ADAM28: variants seen among roughly 807,000 people sequenced by gnomAD.
ADAM28 encodes the protein ADAM metallopeptidase domain 28, also known as disintegrin and metalloproteinase domain-containing protein 28.
In ADAM28, 105 loss-of-function variants were observed where a neutral mutation model predicts 101.2. The observed-to-expected ratio is 1.04, with a 90% CI of 0.89 to 1.22. ADAM28 has a LOEUF of 1.22. Ranked by LOEUF, ADAM28 falls within the 50% of genes most tolerant of loss-of-function variation. The pLI, the probability that ADAM28 is intolerant of heterozygous loss-of-function variation, is 0.00. For synonymous variants in ADAM28, 322 were observed against 310.6 expected, an observed-to-expected ratio of 1.04 and a Z score of -0.39; for missense variants, 1,028 against 945.4, an observed-to-expected ratio of 1.09 and a Z score of -1.15.
chr8:24,328,065 TA>T, intron 10 of ADAM28, among the ~76,000 whole-genome samples: 1 of 152,140 alleles, frequency 6.6e-6, no homozygotes, highest in South Asian at 2.1e-4. Context: ...AAATAGAAGT[TA>T]AAAAAGTTTT....
At chr8:24,316,661 C>T (rs927354625) in intron 6 of ADAM28, among the ~76,000 whole-genome samples, 2 of 152,042 alleles carry the variant, frequency 1.3e-5, no homozygotes, top group African/African-American at 4.8e-5. Context: ...AATAGCCATT[C>T]TTCTGGTACC....
intron 12 of ADAM28, 119 bp downstream of exon 12, chr8:24,331,446 G>A (rs543306987): frequency 1.9e-5 from 19 of 1,002,266 alleles, no homozygotes; most frequent in East Asian, 1.5e-4. Context: ...TTTTGGGTAC[G>A]CCCATTTGTA....
At chr8:24,325,578 A>G (rs1482012276) in intron 9 of ADAM28, among the ~76,000 whole-genome samples, 1 of 151,960 alleles carries the variant, frequency 6.6e-6, no homozygotes, top group Non-Finnish European at 1.5e-5. Flanking sequence ...TATAATTTTA[A>G]AAGAGAACAG....
intron 20 of ADAM28, 35 bp downstream of exon 20, chr8:24,351,345 C>T (rs745626820): frequency 5.7e-6 from 9 of 1,588,384 alleles, no homozygotes; most frequent in Non-Finnish European, 7.8e-6. Context: ...ATTACCATGG[C>T]CCCACTTTGC....
At chr8:24,349,756 T>G (rs1014174652) in intron 18 of ADAM28, 108 bp from the exon 19 acceptor site, 2 of 754,464 alleles carry the variant, frequency 2.7e-6, no homozygotes, top group Non-Finnish European at 4.3e-6. Flanking sequence ...TTATGTTCAT[T>G]GGAGAAAAGG....
chr8:24,352,188 ATTC>A (rs1816239037), intron 21 of ADAM28, 136 bp downstream of exon 21: 3 of 803,244 alleles, frequency 3.7e-6, no homozygotes, highest in Non-Finnish European at 5.8e-6. Context: ...TAAAATACAA[ATTC>A]TTCTGCAAAA....
Position 24,343,536 on chromosome 8 carries a change from G to A in ADAM28, c.1942G>A (p.Glu648Lys). Residue 648 changes from glutamate (E) to lysine (K), a missense_variant, in exon 18 of 23, where the codon GAG becomes AAG. Transcript: ENST00000265769. Reference sequence around the variant, plus strand: ...TGACCATGAGCTCCAGTGTCAATGTGAGGAAGGATGGATCCCTCCCGACTG... The same window carrying A: ...TGACCATGAGCTCCAGTGTCAATGTAAGGAAGGATGGATCCCTCCCGACTG... ...VCDHELQCQCEEGWIPPDCDD... is the reference protein window; with the variant it reads ...VCDHELQCQCKEGWIPPDCDD... 2 of 1,613,772 alleles carry A rather than the reference G, an allele frequency of 1.2e-6. No homozygotes were observed. Among genetic ancestry groups the A allele is most frequent in the Non-Finnish European group, 1.7e-6 (2 of 1,179,790 alleles).
chr8:24,318,442 G>T (rs1443146766), intron 6 of ADAM28, among the ~76,000 whole-genome samples: 2 of 151,756 alleles, frequency 1.3e-5, no homozygotes. Context: ...ATCTTACCCT[G>T]CCCTGTGCCT....
intron 12 of ADAM28, among the ~76,000 whole-genome samples, chr8:24,331,872 CT>C (rs1481089430): frequency 6.6e-6 from 1 of 152,090 alleles, no homozygotes; most frequent in Non-Finnish European, 1.5e-5. Context: ...CACAGGGCAG[CT>C]GGGATTTTGA....
intron 9 of ADAM28, among the ~76,000 whole-genome samples, chr8:24,325,887 A>AAAAAAACAAAC (rs1812519617): frequency 7.4e-6 from 1 of 135,916 alleles, no homozygotes; most frequent in Non-Finnish European, 1.6e-5. Context: ...AAAAAAAAAA[A>AAAAAAACAAAC]AAAAAAAAAA....
intron 18 of ADAM28, among the ~76,000 whole-genome samples, chr8:24,344,398 C>T (rs1018299518): frequency 1.3e-5 from 2 of 152,090 alleles, no homozygotes; most frequent in Non-Finnish European, 1.5e-5. Flanking sequence ...TTCCTGCATC[C>T]TCTGTTTGCA....
intron 9 of ADAM28, among the ~76,000 whole-genome samples, chr8:24,324,476 T>G (rs1041107053): frequency 1.5e-4 from 23 of 152,012 alleles, no homozygotes; most frequent in African/African-American, 5.1e-4. Flanking sequence ...CCTCAAAACA[T>G]TCAAGAAAAT....
At chr8:24,331,845 T>G (rs1813407087) in intron 12 of ADAM28, among the ~76,000 whole-genome samples, 1 of 152,158 alleles carries the variant, frequency 6.6e-6, no homozygotes. Context: ...CATCAGAAGT[T>G]CTGTCCTGAC....
chr8:24,308,366 C>T (rs906377532), intron 2 of ADAM28, among the ~76,000 whole-genome samples: 3 of 115,232 alleles, frequency 2.6e-5, no homozygotes, highest in African/African-American at 9.7e-5. Flanking sequence ...ATCTTTCCTT[C>T]CATCCATAAT....
In ADAM28 at chr8:24,313,614, A is replaced by G. The variant is rs984225556; in HGVS notation, c.576+34A>G. ...AACTTTATTTATTTGAAATGCTCTC[A>G]TGTATTCTGCCCTGGTTTCCAGAAT... On this transcript the variant is annotated intron_variant, in intron 6 of 22. Coordinates refer to ENST00000265769, the MANE Select transcript of ADAM28 (RefSeq NM_014265.6). 6 of 1,598,122 alleles carry G rather than the reference A, an allele frequency of 3.8e-6. No individual in the cohort carries two copies. In the African/African-American group the frequency reaches 5.4e-5, roughly 14 times the overall value.
rs1807656828 is a variant in ADAM28 at position 24,294,215 on chromosome 8, T to C, written c.46+20T>C. The C allele has an allele frequency of 6.2e-7, 1 of 1,613,904 alleles. No homozygotes were observed. Among genetic ancestry groups the C allele is most frequent in the African/African-American group, 1.3e-5 (1 of 75,028 alleles). The stretch of plus-strand genomic sequence containing the variant: ...TTGCAGGTACATATTTAGCTCTTTT[T>C]CAGGTTCTATTGAATGCATTAGCGA... On this transcript the variant is annotated intron_variant, in intron 1 of 22. Transcript: ENST00000265769.
intron 13 of ADAM28, among the ~76,000 whole-genome samples, chr8:24,333,840 T>C (rs1389787455): frequency 6.6e-6 from 1 of 152,206 alleles, no homozygotes; most frequent in African/African-American, 2.4e-5. Flanking sequence ...TGTTGTTGCA[T>C]ATCGTTCTAT....
At chr8:24,341,497 G>A (rs569760920) in intron 15 of ADAM28, 101 bp from the exon 16 acceptor site, 6 of 1,237,752 alleles carry the variant, frequency 4.8e-6, no homozygotes, top group Admixed American at 2.2e-5. Flanking sequence ...TAAGAGTCTC[G>A]GCTACAGGGA....
chr8:24,300,554 T>A (rs566196994), intron 2 of ADAM28, among the ~76,000 whole-genome samples: 1 of 152,054 alleles, frequency 6.6e-6, no homozygotes, highest in African/African-American at 2.4e-5. Context: ...TAGCTGGGAC[T>A]GCAGGCGCCC....
Sources: allele counts gnomAD v4.1 joint callset (sites outside exome capture counted in the v4.1 genomes callset), GRCh38; gene constraint gnomAD v4.1.1; transcripts MANE v1.5; gene names NCBI Gene and HGNC (gene_info 2026-07-23, HGNC 2026-07-21).